MAMDC2: variants seen among roughly 807,000 people sequenced by gnomAD.
MAMDC2 encodes MAM domain-containing protein 2.
Under a neutral mutation model 89.8 loss-of-function variants are expected in MAMDC2, and 57 were observed. That is an observed-to-expected ratio of 0.63 (90% CI 0.51 to 0.79). The LOEUF is 0.79. Ranked by LOEUF, MAMDC2 falls within the 30% of genes least tolerant of loss-of-function variation. The pLI is 0.00. For synonymous variants in MAMDC2, 313 were observed against 293.4 expected (o/e 1.07, Z -0.68); for missense variants, 800 against 820.6 (o/e 0.97, Z 0.31).
chr9:70,049,148 T>C (rs1826829694), intron 2 of MAMDC2, among the ~76,000 whole-genome samples: 5 of 152,116 alleles, frequency 3.3e-5, no homozygotes, highest in Admixed American at 3.3e-4. Context: ...ATGGCTTTTG[T>C]ACCCAGGAGT....
At chr9:70,148,183 G>GCT (rs2031466787) in intron 9 of MAMDC2, 1 of 150,176 alleles carries the variant, frequency 6.7e-6, no homozygotes, top group Admixed American at 6.7e-5. Context: ...GACACACTCT[G>GCT]CTCTCTCCTA....
At position 70,100,021 on chromosome 9, in the gene MAMDC2, A is replaced by AGAGC. The variant is rs1554670016; in HGVS notation, c.149-8189_149-8186dup. Among the ~76,000 whole-genome samples, 15 of 144,520 alleles carry AGAGC rather than the reference A, an allele frequency of 1.0e-4. No homozygotes were observed. The East Asian group carries it at 1.0e-3, about 10-fold the overall frequency. The allele number at this position is 144,520 out of a possible 152,430, so 94.8% of individuals were successfully genotyped here. A position where few individuals can be genotyped will look rare whatever the true frequency, so the allele number is the denominator to read the frequency against. On this transcript the variant is annotated intron_variant, in intron 2 of 13. Coordinates refer to ENST00000377182, the MANE Select transcript of MAMDC2 (RefSeq NM_153267.5). ...GAGAGAGAGAGAGAGAGAGAGAGAG[A>AGAGC]GAGCACAAGCACAATGGGCAGCAGG...
intron 11 of MAMDC2, chr9:70,172,961 C>T (rs189468385): frequency 1.0e-4 from 16 of 152,664 alleles, no homozygotes; most frequent in African/African-American, 3.4e-4. Flanking sequence ...ACAACTCAAA[C>T]TGACTTAAGT....
chr9:70,151,877 G>A (rs1235513999), intron 9 of MAMDC2, among the ~76,000 whole-genome samples: 1 of 152,110 alleles, frequency 6.6e-6, no homozygotes, highest in Non-Finnish European at 1.5e-5. Context: ...TGTGTCACCT[G>A]CCTATGCTTT....
At chr9:70,054,521 G>C (rs1280988565) in intron 2 of MAMDC2, among the ~76,000 whole-genome samples, 1 of 152,130 alleles carries the variant, frequency 6.6e-6, no homozygotes, top group African/African-American at 2.4e-5. Context: ...AAAAAGTTTA[G>C]ATGTGAGAAG....
chr9:70,192,766 C>T (rs1049020007), intron 11 of MAMDC2, among the ~76,000 whole-genome samples: 5 of 152,082 alleles, frequency 3.3e-5, no homozygotes, highest in Admixed American at 2.6e-4. Flanking sequence ...ACCACTGCAA[C>T]GGGATTTTGC....
chr9:70,218,834 G>A (rs1424528237), intron 12 of MAMDC2, among the ~76,000 whole-genome samples: 2 of 152,110 alleles, frequency 1.3e-5, no homozygotes, highest in African/African-American at 2.4e-5. Flanking sequence ...TATGATAAAA[G>A]TATATCTATT....
At chr9:70,211,255 G>A (rs1457046154) in intron 11 of MAMDC2, among the ~76,000 whole-genome samples, 1 of 152,156 alleles carries the variant, frequency 6.6e-6, no homozygotes, top group Non-Finnish European at 1.5e-5. Flanking sequence ...GTCACTTTCA[G>A]GTACACCAAT....
At chr9:70,117,400 C>T (rs1247092761) in intron 5 of MAMDC2, among the ~76,000 whole-genome samples, 1 of 152,100 alleles carries the variant, frequency 6.6e-6, no homozygotes, top group African/African-American at 2.4e-5. Context: ...CATTCTCACT[C>T]ATAAGTGGGA....
Position 70,218,574 on chromosome 9 carries a change from A to T in MAMDC2, c.1889A>T (p.Tyr630Phe). ...TCCTGGCTACGAGCACTGATTGAAT[A>T]CAGCTGTGAGAGGCAACACCAGGTA... ...SISWLRALIEYSCERQHQIIF... is the reference protein window; with the variant it reads ...SISWLRALIEFSCERQHQIIF... Residue 630 changes from tyrosine (Y) to phenylalanine (F), a missense_variant, in exon 12 of 14, where the codon TAC becomes TTC. Physicochemically the swap from Tyr to Phe is conservative, Grantham distance 22 (BLOSUM62 3). Coordinates refer to ENST00000377182, the MANE Select transcript of MAMDC2 (RefSeq NM_153267.5). The T allele has an allele frequency of 1.2e-6, 2 of 1,611,826 alleles. No individual in the cohort carries two copies. The highest frequency in any genetic ancestry group is 1.7e-6 in the Non-Finnish European group (2 of 1,178,330).
intron 11 of MAMDC2, among the ~76,000 whole-genome samples, chr9:70,211,161 T>A (rs1252610292): frequency 6.6e-6 from 1 of 152,210 alleles, no homozygotes; most frequent in South Asian, 2.1e-4. Context: ...CCTGAATTTC[T>A]ATGTTGGCTT....
In MAMDC2 at chr9:70,210,785, T is replaced by C. The variant is rs188535651; in HGVS notation, c.1652-7552T>C. On this transcript the variant is annotated intron_variant, in intron 11 of 13. Transcript: ENST00000377182. ...GGCTGGTACCGGTTGTTCCTTTTCA[T>C]GTTTAGTGCTTCCTTCGGGAGCTCT... Among the ~76,000 whole-genome samples the C allele has an allele frequency of 4.4e-4, 52 of 117,094 alleles. 1 individual carries two copies. Among genetic ancestry groups the C allele is most frequent in the African/African-American group, 1.5e-3 (49 of 31,994 alleles). 76.8% of individuals were successfully genotyped at this position (117,094 alleles called of 152,430 possible).
chr9:70,217,162 C>T (rs773051042), intron 11 of MAMDC2: 27 of 649,758 alleles, frequency 4.2e-5, no homozygotes, highest in African/African-American at 3.4e-4. Flanking sequence ...TATGGCTCTT[C>T]GCCATCTTTT....
At chr9:70,075,238 A>G (rs1827505854) in intron 2 of MAMDC2, among the ~76,000 whole-genome samples, 1 of 152,204 alleles carries the variant, frequency 6.6e-6, no homozygotes, top group Non-Finnish European at 1.5e-5. Flanking sequence ...ATGGATTTCA[A>G]ATCCAGGACC....
chr9:70,116,029 G>A (rs2029971004), intron 5 of MAMDC2, among the ~76,000 whole-genome samples: 1 of 152,188 alleles, frequency 6.6e-6, no homozygotes, highest in South Asian at 2.1e-4. Flanking sequence ...AAAGGCTGAT[G>A]CATCAAAATG....
intron 11 of MAMDC2, chr9:70,217,445 G>A (rs1188403671): frequency 2.2e-6 from 3 of 1,342,748 alleles, no homozygotes; most frequent in Non-Finnish European, 3.2e-6. Flanking sequence ...GCCATTACTG[G>A]TGCATCTCTT....
chr9:70,127,789 C>A (rs1277410034), intron 6 of MAMDC2, among the ~76,000 whole-genome samples: 2 of 151,792 alleles, frequency 1.3e-5, no homozygotes. Flanking sequence ...TTCTTGCAGC[C>A]CAGTGGAAAA....
At chr9:70,223,318 A>T (rs1587586411) in intron 12 of MAMDC2, among the ~76,000 whole-genome samples, 1 of 152,172 alleles carries the variant, frequency 6.6e-6, no homozygotes, top group East Asian at 1.9e-4. Context: ...ATCTGAAAAA[A>T]TACTTAAAAT....
At chr9:70,068,107 T>C (rs1416338558) in intron 2 of MAMDC2, among the ~76,000 whole-genome samples, 1 of 152,178 alleles carries the variant, frequency 6.6e-6, no homozygotes, top group East Asian at 1.9e-4. Context: ...ATAGGACTTA[T>C]AAAGAGAATC....
Sources: allele counts gnomAD v4.1 joint callset (sites outside exome capture counted in the v4.1 genomes callset), GRCh38; gene constraint gnomAD v4.1.1; transcripts MANE v1.5; gene names NCBI Gene and HGNC (gene_info 2026-07-23, HGNC 2026-07-21).